Variants in CRHR1 observed in about 807,000 individuals in gnomAD.
The protein encoded by CRHR1 is corticotropin-releasing hormone receptor 1.
CRHR1 carries 28 observed loss-of-function variants against 56.0 expected under a neutral mutation model. The observed-to-expected ratio is 0.50, with a 90% CI of 0.37 to 0.69. CRHR1 has a LOEUF of 0.69. CRHR1 is among the 30% of genes least tolerant of loss of function. The pLI, the probability that CRHR1 is intolerant of heterozygous loss-of-function variation, is 0.00. For synonymous variants in CRHR1, 195 were observed against 216.5 expected, an observed-to-expected ratio of 0.90 and a Z score of 0.87; for missense variants, 376 against 548.0, an observed-to-expected ratio of 0.69 and a Z score of 3.13.
At chr17:45,796,579 C>A (rs1055381598) in intron 1 of CRHR1, among the ~76,000 whole-genome samples, 1 of 152,210 alleles carries the variant, frequency 6.6e-6, no homozygotes, top group Non-Finnish European at 1.5e-5. Context: ...TGGCTCCAAT[C>A]CCAGTCCCTC....
At chr17:45,802,004 C>T (rs542318974) in intron 1 of CRHR1, among the ~76,000 whole-genome samples, 3 of 151,770 alleles carry the variant, frequency 2.0e-5, no homozygotes, top group East Asian at 1.9e-4. Flanking sequence ...AAGAATTCTC[C>T]GTGTTTTTTT....
chr17:45,829,505 G>C (rs938256071), intron 5 of CRHR1, 184 bp downstream of exon 5: 2 of 1,495,872 alleles, frequency 1.3e-6, no homozygotes, highest in Non-Finnish European at 1.8e-6. Context: ...CCTCTCCCCA[G>C]TAGCTGCTGG....
chr17:45,834,697 C>T lies in CRHR1; in HGVS notation c.1181C>T (p.Ala394Val). Residue 394 changes from alanine to valine, a missense_variant, in exon 13 of 13, where the codon GCC (alanine) becomes GTC (valine). Physicochemically the swap from Ala to Val is moderately conservative, Grantham distance 64. Around this residue, in one of 2 missense-constraint regions of CRHR1, gnomAD observed 369 missense variants for 519.5 expected, o/e 0.71. Coordinates refer to ENST00000314537, the MANE Select transcript of CRHR1 (RefSeq NM_004382.5). ...TCGATCCGTGCCCGAGTGGCCCGTG[C>T]CATGTCCATCCCCACCTCCCCAACC... ...KHSIRARVARAMSIPTSPTRV... is the reference protein window; with the variant it reads ...KHSIRARVARVMSIPTSPTRV... 1 of 1,613,730 alleles carries T rather than the reference C, an allele frequency of 6.2e-7. No individual in the cohort carries two copies. The highest frequency in any genetic ancestry group is 8.5e-7 in the Non-Finnish European group (1 of 1,179,970).
intron 2 of CRHR1, among the ~76,000 whole-genome samples, chr17:45,808,695 C>A (rs1260811245): frequency 6.6e-6 from 1 of 152,246 alleles, no homozygotes; most frequent in Admixed American, 6.5e-5. Flanking sequence ...ATCACCTAGG[C>A]TGAAGTGCAG....
intron 4 of CRHR1, chr17:45,827,033 T>G (rs1214138065): frequency 1.3e-5 from 2 of 152,212 alleles, no homozygotes; most frequent in African/African-American, 4.8e-5. Context: ...AGAGGGAGCT[T>G]AAAGCCAGGC....
At chr17:45,833,693 T>TCCCCACCCG in intron 10 of CRHR1, 21 bp from the exon 11 acceptor site, 15 of 1,571,616 alleles carry the variant, frequency 9.5e-6, no homozygotes, top group Non-Finnish European at 1.3e-5. Flanking sequence ...ACTCCGAGCC[T>TCCCCACCCG]CCCCACCCGC....
rs1435873454 is a variant in CRHR1 at position 45,833,181 on chromosome 17, T to C, written c.814T>C (p.Tyr272His). ...GCCTGGGGTGTACACCGACTACATC[T>C]ACCAGGGCCCCATGATCCTGGTCCT... ...KRPGVYTDYI[Y>H]QGPMILVLLI... Residue 272 changes from tyrosine (Y) to histidine (H), a missense_variant, in exon 9 of 13, where the codon TAC (tyrosine) becomes CAC (histidine). By Grantham distance (83) the Tyr-to-His change is moderately conservative. Around this residue, in one of 2 missense-constraint regions of CRHR1, gnomAD observed 369 missense variants for 519.5 expected, o/e 0.71. Transcript: ENST00000314537. 2 of 1,614,012 alleles carry C rather than the reference T, an allele frequency of 1.2e-6. No homozygotes were observed. The highest frequency in any genetic ancestry group is 2.7e-5 in the African/African-American group (2 of 74,922).
intron 2 of CRHR1, among the ~76,000 whole-genome samples, chr17:45,808,959 A>G (rs1197395933): frequency 1.3e-5 from 2 of 152,228 alleles, no homozygotes; most frequent in African/African-American, 4.8e-5. Flanking sequence ...CTTACTGTAT[A>G]GCTGGAATGA....
chr17:45,821,191 G>A (rs2062032363), intron 3 of CRHR1, among the ~76,000 whole-genome samples, 164 bp from the exon 4 acceptor site: 1 of 152,226 alleles, frequency 6.6e-6, no homozygotes. Flanking sequence ...CAGGAAGATG[G>A]GGGTGGTAAG....
intron 1 of CRHR1, among the ~76,000 whole-genome samples, chr17:45,797,720 G>C (rs967238571): frequency 6.6e-6 from 1 of 152,160 alleles, no homozygotes; most frequent in African/African-American, 2.4e-5. Context: ...CACACAGGTA[G>C]GAGGGGGCAG....
At chr17:45,833,655 C>G in intron 10 of CRHR1, 59 bp from the exon 11 acceptor site, 1 of 1,602,674 alleles carries the variant, frequency 6.2e-7, no homozygotes, top group Non-Finnish European at 8.5e-7. Context: ...GCCGAGCCAG[C>G]GGGCAGCCCG....
At chr17:45,785,851 T>TG (rs1329361894) in intron 1 of CRHR1, among the ~76,000 whole-genome samples, 2 of 152,192 alleles carry the variant, frequency 1.3e-5, no homozygotes, top group Non-Finnish European at 2.9e-5. Flanking sequence ...ATTCTTAAAA[T>TG]GATCAAGGGT....
rs1186696509 is a variant in CRHR1, at chr17:45,835,169, TGG to T, written c.*408_*409del. On this transcript the variant is annotated 3_prime_UTR_variant, in exon 13 of 13. Coordinates refer to ENST00000314537, the MANE Select transcript of CRHR1 (RefSeq NM_004382.5). ...ACCGTGGGGAGGCCATTTGCTGCCCTGGGGCATCATGGGCAACTCGTGACAGC... is the reference window on the plus strand; with the variant it reads ...ACCGTGGGGAGGCCATTTGCTGCCCTGGCATCATGGGCAACTCGTGACAGC... The T allele has an allele frequency of 1.0e-5, 2 of 199,736 alleles. No homozygotes were observed. The highest frequency in any genetic ancestry group is 2.0e-5 in the Non-Finnish European group (2 of 98,846). The allele number at this position is 199,736 out of a possible 1,614,324, so 12.4% of individuals were successfully genotyped here.
intron 1 of CRHR1, among the ~76,000 whole-genome samples, chr17:45,805,284 A>G (rs982696602): frequency 1.3e-5 from 2 of 152,108 alleles, no homozygotes; most frequent in Non-Finnish European, 2.9e-5. Context: ...AATATTCCGT[A>G]TCTTGACGAC....
intron 1 of CRHR1, among the ~76,000 whole-genome samples, chr17:45,797,496 T>G (rs970946172): frequency 3.9e-5 from 6 of 151,928 alleles, no homozygotes; most frequent in African/African-American, 1.5e-4. Context: ...TTCACTGTGG[T>G]CTCAATCTCC....
chr17:45,822,834 AG>A lies in CRHR1; in HGVS notation c.327+1395del, dbSNP rs1251320010. On this transcript the variant is annotated intron_variant, in intron 4 of 12. Transcript: ENST00000314537. Reference sequence around the variant, plus strand: ...CCATTGCACTCCAGCCTGGGCAAAAAGAGCGAAATTCCATTAAAAAAAAAAG... The same window carrying A: ...CCATTGCACTCCAGCCTGGGCAAAAAAGCGAAATTCCATTAAAAAAAAAAG... Among the ~76,000 whole-genome samples the A allele has an allele frequency of 6.7e-5, 10 of 150,116 alleles. No homozygotes were observed. In the Admixed American group the frequency reaches 6.7e-4, roughly 10 times the overall value.
intron 1 of CRHR1, among the ~76,000 whole-genome samples, chr17:45,791,831 C>CTT (rs1377590100): frequency 1.5e-4 from 16 of 104,522 alleles, no homozygotes; most frequent in African/African-American, 4.3e-4. Flanking sequence ...CTCTCTCTCT[C>CTT]TTTCTCTCTC....
At chr17:45,833,693 T>TGGGGCCCCCC in intron 10 of CRHR1, 21 bp from the exon 11 acceptor site, 20 of 1,571,466 alleles carry the variant, frequency 1.3e-5, no homozygotes, top group Non-Finnish European at 1.6e-5. Flanking sequence ...ACTCCGAGCC[T>TGGGGCCCCCC]CCCCACCCGC....
At chr17:45,794,486 C>A (rs2061482602) in intron 1 of CRHR1, among the ~76,000 whole-genome samples, 1 of 152,236 alleles carries the variant, frequency 6.6e-6, no homozygotes, top group African/African-American at 2.4e-5. Context: ...ATGCTTCTTG[C>A]ACTTGTGTGT....
Sources: allele counts gnomAD v4.1 joint callset (sites outside exome capture counted in the v4.1 genomes callset), GRCh38; gene constraint gnomAD v4.1.1; regional missense constraint gnomAD v4.1.1; transcripts MANE v1.5; gene names NCBI Gene and HGNC (gene_info 2026-07-23, HGNC 2026-07-21).